IL1RAPL1: variants seen among roughly 807,000 people sequenced by gnomAD.
IL1RAPL1 encodes interleukin 1 receptor accessory protein like 1, also known as interleukin-1 receptor accessory protein-like 1.
IL1RAPL1 carries 3 observed loss-of-function variants against 48.4 expected under a neutral mutation model. The observed-to-expected ratio is 0.06, with a 90% CI of 0.03 to 0.16. The LOEUF is 0.16. IL1RAPL1 is among the 10% of genes least tolerant of loss of function. The pLI is 1.00. For synonymous variants in IL1RAPL1, 185 were observed against 187.7 expected (o/e 0.99, Z 0.12); for missense variants, 349 against 530.6 (o/e 0.66, Z 3.36).
chrX:29,736,519 A>C (rs1928049651), intron 6 of IL1RAPL1, among the ~76,000 whole-genome samples: 1 of 112,215 alleles, frequency 8.9e-6, no homozygotes, highest in African/African-American at 3.2e-5. Flanking sequence ...TGAGGTCAGG[A>C]GTTTCAGACC....
chrX:28,876,576 A>G (rs1922378699), intron 2 of IL1RAPL1, among the ~76,000 whole-genome samples: 1 of 111,570 alleles, frequency 9.0e-6, no homozygotes, highest in South Asian at 3.8e-4. Context: ...CCCTAACTTG[A>G]TTCCCTCCAC....
chrX:28,693,305 CT>C (rs1569152964), intron 1 of IL1RAPL1, among the ~76,000 whole-genome samples: 1 of 112,137 alleles, frequency 8.9e-6, no homozygotes, highest in Non-Finnish European at 1.9e-5. Flanking sequence ...ATAGGAAACC[CT>C]TTTCCAAATA....
chrX:28,875,554 A>AC (rs1922348130), intron 2 of IL1RAPL1, among the ~76,000 whole-genome samples: 1 of 111,732 alleles, frequency 8.9e-6, no homozygotes, highest in Non-Finnish European at 1.9e-5. Flanking sequence ...TGTCTGCTCC[A>AC]CATCTCATGT....
chrX:29,792,764 A>G (rs930379627), intron 6 of IL1RAPL1, among the ~76,000 whole-genome samples: 1 of 111,095 alleles, frequency 9.0e-6, no homozygotes, highest in African/African-American at 3.3e-5. Flanking sequence ...TTTAATCATT[A>G]TGCAAAAAAA....
intron 5 of IL1RAPL1, among the ~76,000 whole-genome samples, chrX:29,666,408 G>A (rs1926000524): frequency 1.8e-5 from 2 of 110,585 alleles, no homozygotes; most frequent in Admixed American, 2.0e-4. Context: ...CACCTACTCA[G>A]AGGGGCATGG....
intron 1 of IL1RAPL1, among the ~76,000 whole-genome samples, chrX:28,729,783 G>A (rs186602262): frequency 9.0e-6 from 1 of 110,705 alleles, no homozygotes; most frequent in African/African-American, 3.3e-5. Context: ...GGATCATGAG[G>A]TCAGGAGATT....
chrX:28,992,047 C>A (rs1228081908), intron 2 of IL1RAPL1, among the ~76,000 whole-genome samples: 1 of 111,720 alleles, frequency 9.0e-6, no homozygotes, highest in Non-Finnish European at 1.9e-5. Flanking sequence ...AATTTCAATA[C>A]CTTATGAGAA....
At chrX:28,622,402 A>G (rs1049590905) in intron 1 of IL1RAPL1, among the ~76,000 whole-genome samples, 2 of 112,088 alleles carry the variant, frequency 1.8e-5, no homozygotes, top group Admixed American at 9.5e-5. Context: ...CTTGTAGCAC[A>G]TTTATTCCTC....
intron 2 of IL1RAPL1, among the ~76,000 whole-genome samples, chrX:28,978,241 C>T (rs868747502): frequency 9.0e-6 from 1 of 111,156 alleles, no homozygotes; most frequent in Non-Finnish European, 1.9e-5. Context: ...GGTCCGTCAT[C>T]GGAACAAAGA....
intron 2 of IL1RAPL1, among the ~76,000 whole-genome samples, chrX:29,220,505 C>T (rs1340953451): frequency 1.8e-5 from 2 of 111,757 alleles, no homozygotes; most frequent in African/African-American, 3.3e-5. Context: ...ACCTGTAAAA[C>T]GTGGCTGTAG....
intron 6 of IL1RAPL1, among the ~76,000 whole-genome samples, chrX:29,741,943 A>G (rs1279634425): frequency 9.4e-6 from 1 of 106,081 alleles, no homozygotes; most frequent in Non-Finnish European, 1.9e-5. Flanking sequence ...AAGAAAAAAA[A>G]AAAAAAAAAA....
intron 2 of IL1RAPL1, among the ~76,000 whole-genome samples, chrX:28,932,704 C>CTT (rs368350138): frequency 7.0e-5 from 7 of 100,275 alleles, no homozygotes; most frequent in Admixed American, 1.1e-4. Context: ...TGTCTTTACA[C>CTT]TTTTTTTTTT....
At chrX:28,865,204 A>C (rs1922047617) in intron 2 of IL1RAPL1, among the ~76,000 whole-genome samples, 1 of 111,486 alleles carries the variant, frequency 9.0e-6, no homozygotes, top group African/African-American at 3.3e-5. Flanking sequence ...TTGGGAGGTC[A>C]AGGCGGGCAG....
At chrX:29,845,248 G>C (rs891833316) in intron 6 of IL1RAPL1, among the ~76,000 whole-genome samples, 2 of 111,585 alleles carry the variant, frequency 1.8e-5, no homozygotes, top group Non-Finnish European at 3.8e-5. Flanking sequence ...AGGAAAAGCA[G>C]TATAGGCAGA....
At chrX:29,114,132 T>C (rs1928629952) in intron 2 of IL1RAPL1, among the ~76,000 whole-genome samples, 1 of 112,031 alleles carries the variant, frequency 8.9e-6, no homozygotes, top group Admixed American at 9.5e-5. Flanking sequence ...TATTCTAGCT[T>C]CATTTTGGAG....
chrX:29,803,089 A>G (rs1282989746), intron 6 of IL1RAPL1, among the ~76,000 whole-genome samples: 1 of 84,583 alleles, frequency 1.2e-5, no homozygotes, highest in African/African-American at 4.9e-5. Context: ...ATATGTGTAT[A>G]TGTATACATG....
chrX:28,943,014 A>G (rs1038876374), intron 2 of IL1RAPL1, among the ~76,000 whole-genome samples: 1 of 110,771 alleles, frequency 9.0e-6, no homozygotes, highest in African/African-American at 3.3e-5. Flanking sequence ...ATAGATCAAC[A>G]CATTATGTGA....
chrX:28,688,942 A>G (rs1174513555), intron 1 of IL1RAPL1, among the ~76,000 whole-genome samples: 1 of 111,018 alleles, frequency 9.0e-6, no homozygotes, highest in Non-Finnish European at 1.9e-5. Flanking sequence ...CCATAATGAG[A>G]GAGTTATTGA....
At chrX:29,199,583 C>A (rs1215047271) in intron 2 of IL1RAPL1, among the ~76,000 whole-genome samples, 12 of 110,943 alleles carry the variant, frequency 1.1e-4, no homozygotes, top group African/African-American at 3.9e-4. Flanking sequence ...TACTAAGATT[C>A]TCATAAGGAG....
Sources: allele counts gnomAD v4.1 joint callset (sites outside exome capture counted in the v4.1 genomes callset), GRCh38; gene constraint gnomAD v4.1.1; transcripts MANE v1.5; gene names NCBI Gene and HGNC (gene_info 2026-07-23, HGNC 2026-07-21).